The following IL6R variants were observed in gnomAD, a reference collection of about 807,000 sequenced individuals.
IL6R encodes the protein interleukin-6 receptor subunit alpha.
IL6R carries 38 observed loss-of-function variants against 48.3 expected under a neutral mutation model. The ratio of observed to expected loss-of-function variants is 0.79; its 90% confidence interval spans 0.61 to 1.03. The LOEUF (loss-of-function observed/expected upper bound fraction) is 1.03, where lower values mean the gene tolerates loss of function less well. IL6R is among the 50% of genes least tolerant of loss of function. The probability of loss-of-function intolerance (pLI) is 0.00; values close to 1 mark genes in which losing one functional copy is unlikely to be tolerated. For missense variants in IL6R, 534 were observed against 618.3 expected, an observed-to-expected ratio of 0.86 and a Z score of 1.45; for synonymous variants, 264 against 256.2, an observed-to-expected ratio of 1.03 and a Z score of -0.29.
intron 1 of IL6R, among the ~76,000 whole-genome samples, chr1:154,417,148 C>T (rs1688401850): frequency 6.6e-6 from 1 of 152,166 alleles, no homozygotes; most frequent in Non-Finnish European, 1.5e-5. Flanking sequence ...GGGCCAGCCT[C>T]TTTGTTATAC....
At position 154,414,228 on chromosome 1, in the gene IL6R, A is replaced by G. The variant is rs986948054; in HGVS notation, c.85+8514A>G. The G allele has an allele frequency of 1.3e-5, 6 of 469,316 alleles. No homozygotes were observed. The South Asian group carries it at 1.7e-4, about 13-fold the overall frequency. The allele number at this position is 469,316 out of a possible 1,614,324, so 29.1% of individuals were successfully genotyped here. ...GCTTCTAGGTTTTGTGTCATACTTAATAACATCCTTCCCATTCCAATATTT... is the reference window on the plus strand; with the variant it reads ...GCTTCTAGGTTTTGTGTCATACTTAGTAACATCCTTCCCATTCCAATATTT... On this transcript the variant is annotated intron_variant, in intron 1 of 9. Transcript: ENST00000368485.
chr1:154,438,062 G>T (rs1040588029), intron 6 of IL6R, among the ~76,000 whole-genome samples: 23 of 152,164 alleles, frequency 1.5e-4, no homozygotes, highest in African/African-American at 5.1e-4. Flanking sequence ...TGGCAAAGAA[G>T]TAATAAACAG....
chr1:154,440,447 T>C (rs1176987865), intron 6 of IL6R, among the ~76,000 whole-genome samples: 3 of 152,204 alleles, frequency 2.0e-5, no homozygotes, highest in Admixed American at 1.3e-4. Context: ...TATATGGTAA[T>C]TCTATTTTTA....
chr1:154,413,079 G>A (rs1472580312), intron 1 of IL6R, among the ~76,000 whole-genome samples: 1 of 150,234 alleles, frequency 6.7e-6, no homozygotes. Context: ...TTGGCTCACT[G>A]CAACCTCTGC....
chr1:154,458,142 A>AT lies in IL6R; in HGVS notation c.1160+3570dup, dbSNP rs1013573350. Among the ~76,000 whole-genome samples the AT allele has an allele frequency of 4.6e-3, 682 of 148,398 alleles. 11 individuals carry two copies. The highest frequency in any genetic ancestry group is 8.1e-3 in the East Asian group (41 of 5,038). On this transcript the variant is annotated intron_variant, in intron 9 of 9. Coordinates refer to ENST00000368485, the MANE Select transcript of IL6R (RefSeq NM_000565.4). ...CCACCACGCCTGGCTAATTTTTTGT[A>AT]TTTTTTTTTAGTAGAGACGGGGTTT...
At chr1:154,449,141 C>T (rs1368107585) in intron 7 of IL6R, among the ~76,000 whole-genome samples, 19 of 146,114 alleles carry the variant, frequency 1.3e-4, no homozygotes, top group Admixed American at 6.8e-4. Flanking sequence ...ATGATCCACC[C>T]GCCTCGGCCT....
At chr1:154,458,771 C>A (rs1316994447) in intron 9 of IL6R, among the ~76,000 whole-genome samples, 1 of 151,950 alleles carries the variant, frequency 6.6e-6, no homozygotes, top group Non-Finnish European at 1.5e-5. Flanking sequence ...CATGGTGGTG[C>A]ACACCTGTAA....
At chr1:154,425,660 G>A (rs1169015121) in intron 1 of IL6R, among the ~76,000 whole-genome samples, 1 of 151,482 alleles carries the variant, frequency 6.6e-6, no homozygotes, top group Non-Finnish European at 1.5e-5. Context: ...TGTAGTCTCA[G>A]CTACTTGGGA....
intron 6 of IL6R, among the ~76,000 whole-genome samples, chr1:154,446,455 C>T (rs1361535429): frequency 6.6e-6 from 1 of 152,214 alleles, no homozygotes; most frequent in Admixed American, 6.5e-5. Context: ...TTACTCCTGG[C>T]CCAGCGAGGC....
intron 2 of IL6R, 50 bp from the exon 3 acceptor site, chr1:154,430,433 G>A (rs1442240520): frequency 4.4e-6 from 7 of 1,602,810 alleles, no homozygotes; most frequent in South Asian, 3.3e-5. Context: ...AGGTCAGTGC[G>A]CCCCAGGATC....
chr1:154,446,247 G>T (rs1439879245), intron 6 of IL6R, among the ~76,000 whole-genome samples: 1 of 152,168 alleles, frequency 6.6e-6, no homozygotes, highest in Non-Finnish European at 1.5e-5. Flanking sequence ...TTGCTGTGCG[G>T]CCTTGAACAA....
chr1:154,422,069 C>T (rs1454575637), intron 1 of IL6R, among the ~76,000 whole-genome samples: 1 of 152,166 alleles, frequency 6.6e-6, no homozygotes, highest in Non-Finnish European at 1.5e-5. Flanking sequence ...GCCTCAGCCT[C>T]CTGAGTAGCT....
chr1:154,437,385 C>T (rs1323608446), intron 6 of IL6R: 2 of 350,602 alleles, frequency 5.7e-6, no homozygotes, highest in East Asian at 1.6e-4. Flanking sequence ...GCATGAGTCA[C>T]TGTGCCCGGT....
intron 1 of IL6R, among the ~76,000 whole-genome samples, chr1:154,408,717 C>T (rs145374682): frequency 1.6e-4 from 24 of 152,238 alleles, no homozygotes; most frequent in Admixed American, 9.8e-4. Context: ...TCCCTTCCCC[C>T]GTCTCCTGAA....
At chr1:154,435,371 T>C (rs1689557084) in intron 5 of IL6R, among the ~76,000 whole-genome samples, 1 of 151,912 alleles carries the variant, frequency 6.6e-6, no homozygotes, top group Admixed American at 6.6e-5. Flanking sequence ...ATTAGCTGGG[T>C]GTGGTGGCGC....
chr1:154,431,866 G>A (rs975651349), intron 3 of IL6R, among the ~76,000 whole-genome samples: 2 of 152,166 alleles, frequency 1.3e-5, no homozygotes, highest in African/African-American at 4.8e-5. Context: ...TGGGCGGGAC[G>A]GTGTGAAATC....
intron 9 of IL6R, among the ~76,000 whole-genome samples, chr1:154,456,746 G>A (rs1469723727): frequency 6.6e-6 from 1 of 152,152 alleles, no homozygotes; most frequent in Non-Finnish European, 1.5e-5. Flanking sequence ...AAGCGGACAC[G>A]CTTGGCAGGC....
At chr1:154,462,547 T>C (rs946562575) in intron 9 of IL6R, among the ~76,000 whole-genome samples, 2 of 151,934 alleles carry the variant, frequency 1.3e-5, no homozygotes, top group Non-Finnish European at 2.9e-5. Context: ...CTAATTTTTG[T>C]ATTTTTTAAT....
chr1:154,461,315 A>G (rs1165800017), intron 9 of IL6R, among the ~76,000 whole-genome samples: 1 of 152,174 alleles, frequency 6.6e-6, no homozygotes, highest in African/African-American at 2.4e-5. Flanking sequence ...AGGCCTGGAT[A>G]ATATCCAGCC....
Sources: allele counts gnomAD v4.1 joint callset (sites outside exome capture counted in the v4.1 genomes callset), GRCh38; gene constraint gnomAD v4.1.1; transcripts MANE v1.5; gene names NCBI Gene and HGNC (gene_info 2026-07-23, HGNC 2026-07-21).